The following NEGR1 variants were observed in gnomAD, a reference collection of about 807,000 sequenced individuals.
NEGR1 encodes the protein neuronal growth regulator 1, also known as IgLON family member 4.
A neutral mutation model predicts 40.9 loss-of-function variants in NEGR1; 10 were observed. The observed-to-expected ratio is 0.24, with a 90% confidence interval of 0.15 to 0.42. The LOEUF (loss-of-function observed/expected upper bound fraction) is 0.42. Ranked by LOEUF, NEGR1 falls within the 10% of genes least tolerant of loss-of-function variation. The pLI, the probability that NEGR1 is intolerant of heterozygous loss-of-function variation, is 1.00. For synonymous variants in NEGR1, 185 were observed against 166.8 expected (o/e 1.11, Z -0.84); for missense variants, 352 against 438.9 (o/e 0.80, Z 1.77).
chr1:71,951,077 A>G (rs1466697222), intron 1 of NEGR1, among the ~76,000 whole-genome samples: 2 of 151,982 alleles, frequency 1.3e-5, no homozygotes, highest in South Asian at 2.1e-4. Flanking sequence ...GCTATAAAAT[A>G]AATATAAGAT....
chr1:71,481,065 C>T (rs1646850979), intron 6 of NEGR1, among the ~76,000 whole-genome samples: 1 of 151,840 alleles, frequency 6.6e-6, no homozygotes, highest in Non-Finnish European at 1.5e-5. Context: ...ATGCTTATTT[C>T]ATATAATGAT....
chr1:72,275,269 T>G, intron 1 of NEGR1: 1 of 538,814 alleles, frequency 1.9e-6, no homozygotes, highest in Non-Finnish European at 3.3e-6. Flanking sequence ...CACATTTTTT[T>G]CTGTAATAGA....
intron 1 of NEGR1, among the ~76,000 whole-genome samples, chr1:72,078,703 G>A (rs1436158581): frequency 6.7e-6 from 1 of 150,000 alleles, no homozygotes; most frequent in Non-Finnish European, 1.5e-5. Context: ...GCAATGGCGT[G>A]ATTTCGGCTC....
chr1:71,676,080 A>G (rs1652624452), intron 4 of NEGR1, among the ~76,000 whole-genome samples: 1 of 152,204 alleles, frequency 6.6e-6, no homozygotes, highest in African/African-American at 2.4e-5. Context: ...TTTACAATGT[A>G]GGATGACGAT....
At chr1:71,746,427 G>C (rs1655384374) in intron 3 of NEGR1, among the ~76,000 whole-genome samples, 1 of 152,178 alleles carries the variant, frequency 6.6e-6, no homozygotes, top group Admixed American at 6.5e-5. Context: ...ATACTCTTTA[G>C]TCTAAGATTA....
chr1:72,199,142 T>TAGATAGAGAGAG (rs1268615373), intron 1 of NEGR1, among the ~76,000 whole-genome samples: 39 of 143,066 alleles, frequency 2.7e-4, no homozygotes, highest in Non-Finnish European at 5.2e-4. Context: ...TCTATCTAGA[T>TAGATAGAGAGAG]AGACAGACAG....
At chr1:72,018,529 A>G (rs1646731089) in intron 1 of NEGR1, among the ~76,000 whole-genome samples, 1 of 152,184 alleles carries the variant, frequency 6.6e-6, no homozygotes, top group Non-Finnish European at 1.5e-5. Context: ...TAATGTGTAT[A>G]ATTTTTAATA....
intron 2 of NEGR1, among the ~76,000 whole-genome samples, chr1:71,817,370 A>G (rs959668388): frequency 6.6e-6 from 1 of 152,196 alleles, no homozygotes; most frequent in East Asian, 1.9e-4. Flanking sequence ...TTTTAGCCCA[A>G]GTACTTCCCC....
chr1:71,989,916 T>C (rs1646435159), intron 1 of NEGR1, among the ~76,000 whole-genome samples: 1 of 152,136 alleles, frequency 6.6e-6, no homozygotes, highest in Non-Finnish European at 1.5e-5. Context: ...CCCAAAGTAA[T>C]TCTAATTATC....
intron 6 of NEGR1, among the ~76,000 whole-genome samples, chr1:71,438,052 A>G (rs975562332): frequency 4.6e-5 from 7 of 152,180 alleles, no homozygotes; most frequent in Non-Finnish European, 1.0e-4. Context: ...ACAGCTGCTG[A>G]TCTATGGTTT....
rs574340371 is a variant in NEGR1, at chr1:71,683,107, T to C, written c.667+14901A>G. On this transcript the variant is annotated intron_variant, in intron 4 of 6. Transcript: ENST00000357731. Reference sequence around the variant, plus strand: ...GGCTGCAGACTTATTTTGGGTAAGTTGAGGTTATAGGTTTTCCGAGGAGAA... The same window carrying C: ...GGCTGCAGACTTATTTTGGGTAAGTCGAGGTTATAGGTTTTCCGAGGAGAA... Among the ~76,000 whole-genome samples the C allele has an allele frequency of 3.9e-5, 6 of 152,258 alleles. No homozygotes were observed. In the East Asian group the frequency reaches 1.2e-3, roughly 29 times the overall value.
At chr1:72,223,570 T>C (rs1654080009) in intron 1 of NEGR1, among the ~76,000 whole-genome samples, 1 of 152,276 alleles carries the variant, frequency 6.6e-6, no homozygotes, top group Non-Finnish European at 1.5e-5. Context: ...CAAGAGAATG[T>C]CCTGCCTATT....
chr1:71,951,096 C>G (rs1351536146), intron 1 of NEGR1, among the ~76,000 whole-genome samples: 4 of 151,808 alleles, frequency 2.6e-5, no homozygotes, highest in African/African-American at 9.7e-5. Context: ...ATTTTAAGGA[C>G]AGCTAATAGA....
chr1:71,959,207 C>T (rs1234211398), intron 1 of NEGR1, among the ~76,000 whole-genome samples: 2 of 151,990 alleles, frequency 1.3e-5, no homozygotes, highest in Non-Finnish European at 2.9e-5. Flanking sequence ...ATTCATCTAC[C>T]TAAAATCTAT....
intron 6 of NEGR1, among the ~76,000 whole-genome samples, chr1:71,555,281 T>A (rs1054166164): frequency 2.0e-5 from 3 of 151,484 alleles, no homozygotes; most frequent in Non-Finnish European, 4.4e-5. Context: ...TGGTAGTAGA[T>A]GCTTGGAGGT....
At chr1:71,890,163 C>T (rs1333543736) in intron 2 of NEGR1, among the ~76,000 whole-genome samples, 70 of 133,018 alleles carry the variant, frequency 5.3e-4, no homozygotes, top group Admixed American at 5.2e-3. Context: ...CATCAACTAA[C>T]GAGCAAAATC....
At chr1:71,631,629 T>C (rs1252713577) in intron 4 of NEGR1, among the ~76,000 whole-genome samples, 1 of 151,854 alleles carries the variant, frequency 6.6e-6, no homozygotes, top group African/African-American at 2.4e-5. Context: ...TATTGGTAAT[T>C]AGAATGGTAA....
At chr1:71,449,214 C>A (rs981259255) in intron 6 of NEGR1, among the ~76,000 whole-genome samples, 4 of 152,164 alleles carry the variant, frequency 2.6e-5, no homozygotes, top group Non-Finnish European at 5.9e-5. Flanking sequence ...TGCAAAAGTT[C>A]AATCATTCAT....
chr1:72,023,663 TAAC>T (rs1646780456), intron 1 of NEGR1, among the ~76,000 whole-genome samples: 1 of 125,876 alleles, frequency 7.9e-6, no homozygotes, highest in African/African-American at 3.0e-5. Flanking sequence ...AAAAAAAACT[TAAC>T]AAATAACACA....
Sources: gnomAD v4.1 joint callset for allele counts (sites outside exome capture counted in the v4.1 genomes callset) on GRCh38, gnomAD v4.1.1 for gene constraint, MANE v1.5 for transcripts, NCBI Gene and HGNC (gene_info 2026-07-23, HGNC 2026-07-21) for gene names.